UBE2D2: variants seen among roughly 807,000 people sequenced by gnomAD.
The protein encoded by UBE2D2 is ubiquitin-conjugating enzyme E2 D2.
In UBE2D2, 2 loss-of-function variants were observed where a neutral mutation model predicts 24.2. That is an observed-to-expected ratio of 0.08 (90% CI 0.03 to 0.26). The LOEUF (loss-of-function observed/expected upper bound fraction) is 0.26. UBE2D2 is among the 10% of genes least tolerant of loss of function. UBE2D2 has a pLI of 1.00. For missense variants in UBE2D2, 44 were observed against 177.6 expected (o/e 0.25, Z 4.28); for synonymous variants, 58 against 56.5 (o/e 1.03, Z -0.12).
intron 2 of UBE2D2, among the ~76,000 whole-genome samples, chr5:139,610,169 G>A (rs1010247839): frequency 1.3e-5 from 2 of 152,090 alleles, no homozygotes; most frequent in Non-Finnish European, 2.9e-5. Context: ...TGCATGTAGG[G>A]CAACTCAGAA....
At chr5:139,573,968 C>CTAAA (rs570547406) in intron 1 of UBE2D2, among the ~76,000 whole-genome samples, 37 of 151,346 alleles carry the variant, frequency 2.4e-4, no homozygotes, top group African/African-American at 5.3e-4. Context: ...GAGACTGTCT[C>CTAAA]TAAATAAATA....
chr5:139,543,532 G>A (rs762172397), intron 1 of UBE2D2, among the ~76,000 whole-genome samples: 1 of 152,232 alleles, frequency 6.6e-6, no homozygotes, highest in East Asian at 1.9e-4. Flanking sequence ...TTACCCCGCC[G>A]GAGGGCGCCA....
chr5:139,606,319 G>A (rs570335845), intron 2 of UBE2D2, among the ~76,000 whole-genome samples: 3 of 152,060 alleles, frequency 2.0e-5, no homozygotes, highest in East Asian at 1.9e-4. Context: ...GCACCACCAC[G>A]ACCGACTAAT....
Position 139,561,793 on chromosome 5 carries a change from TG to T in UBE2D2, c.4del (p.Ala2?). 7.9e-7 allele frequency: 1 copy of T among 1,259,068 alleles called. No individual in the cohort carries two copies. Among genetic ancestry groups the T allele is most frequent in the Non-Finnish European group, 1.0e-6 (1 of 965,298 alleles). 78.0% of individuals were successfully genotyped at this position (1,259,068 alleles called of 1,614,324 possible). On this transcript the variant is annotated frameshift_variant and start_lost, in exon 1 of 7. Transcript: ENST00000398733. LOFTEE classifies it high-confidence loss of function. [M>X]ALKRIHKELN... ...GGCCGCCGCCACCCGCCTCCCACCA[TG>T]GCTCTGAAGAGAATCCACAAGGTAA...
chr5:139,578,448 G>A (rs1256866922), intron 1 of UBE2D2, among the ~76,000 whole-genome samples: 2 of 151,720 alleles, frequency 1.3e-5, no homozygotes, highest in South Asian at 4.2e-4. Context: ...GTGTGTGTGT[G>A]TGTGTGTGTG....
chr5:139,626,064 GT>G (rs999876456), intron 6 of UBE2D2, among the ~76,000 whole-genome samples: 11 of 151,524 alleles, frequency 7.3e-5, no homozygotes, highest in Non-Finnish European at 1.5e-4. Flanking sequence ...GGAAAGTTTG[GT>G]TTTTTTTCCC....
At chr5:139,551,031 C>G (rs1581486028) in intron 1 of UBE2D2, among the ~76,000 whole-genome samples, 1 of 152,098 alleles carries the variant, frequency 6.6e-6, no homozygotes, top group African/African-American at 2.4e-5. Context: ...GTGTGCATAC[C>G]ATCTTATTCT....
intron 1 of UBE2D2, among the ~76,000 whole-genome samples, chr5:139,585,935 CAAAAA>C (rs60277561): frequency 3.9e-5 from 1 of 25,560 alleles, no homozygotes; most frequent in Non-Finnish European, 1.1e-4. Flanking sequence ...GACTCTGTCT[CAAAAA>C]AAAAAAAAAA....
At chr5:139,548,193 A>AAAAAAAAAAAAAAAAAAAAATAAT in intron 1 of UBE2D2, among the ~76,000 whole-genome samples, 1 of 47,104 alleles carries the variant, frequency 2.1e-5, no homozygotes, top group Non-Finnish European at 3.8e-5. Context: ...ATAAAAAAAA[A>AAAAAAAAAAAAAAAAAAAAATAAT]AAATAAATAA....
chr5:139,545,628 C>T (rs1362620830), intron 1 of UBE2D2, among the ~76,000 whole-genome samples: 1 of 150,612 alleles, frequency 6.6e-6, no homozygotes, highest in Non-Finnish European at 1.5e-5. Flanking sequence ...GTTTCACCAT[C>T]TTGGCCAGGC....
At chr5:139,565,797 T>A (rs957547474) in intron 1 of UBE2D2, among the ~76,000 whole-genome samples, 2 of 152,180 alleles carry the variant, frequency 1.3e-5, no homozygotes, top group Non-Finnish European at 2.9e-5. Flanking sequence ...AAGTATTTGG[T>A]TAATTTCTCT....
At chr5:139,533,673 A>AAAAGG (rs1212702719) in intron 1 of UBE2D2, among the ~76,000 whole-genome samples, 3 of 152,002 alleles carry the variant, frequency 2.0e-5, no homozygotes, top group Non-Finnish European at 4.4e-5. Context: ...AAAAGAAAAG[A>AAAAGG]AAAGAAAAGG....
At chr5:139,528,038 A>G (rs900824144) in intron 1 of UBE2D2, among the ~76,000 whole-genome samples, 6 of 152,244 alleles carry the variant, frequency 3.9e-5, no homozygotes, top group African/African-American at 1.4e-4. Context: ...TCTCTGCTAT[A>G]TCCCAAAGTC....
rs10036403 is a variant in UBE2D2, at chr5:139,546,701, G to T, written c.-64+20089G>T. On this transcript the variant is annotated intron_variant, in intron 1 of 6. Transcript: ENST00000511725. ...GAGTTTCACCATGTTTGCCAGACTG[G>T]TCTCGAAATCTTGACCTCAAGTGAT... is the stretch of plus-strand genomic sequence containing the variant. Among the ~76,000 whole-genome samples the T allele has an allele frequency of 9.1e-3, 1,361 of 149,354 alleles. 27 individuals carry two copies. The highest frequency in any genetic ancestry group is 0.03 in the African/African-American group (1,209 of 40,536).
chr5:139,623,207 A>G (rs1235538207), intron 5 of UBE2D2, among the ~76,000 whole-genome samples, 161 bp from the exon 6 acceptor site: 2 of 152,096 alleles, frequency 1.3e-5, no homozygotes, highest in Non-Finnish European at 2.9e-5. Flanking sequence ...AATAATAATA[A>G]TCCTTGTTGG....
chr5:139,609,038 G>GATC (rs1463046748), intron 2 of UBE2D2, among the ~76,000 whole-genome samples: 1 of 151,606 alleles, frequency 6.6e-6, no homozygotes, highest in Non-Finnish European at 1.5e-5. Flanking sequence ...AGTGAGCAAA[G>GATC]ATCGCACCAC....
chr5:139,591,369 C>T (rs1753843640), intron 1 of UBE2D2, among the ~76,000 whole-genome samples: 1 of 152,120 alleles, frequency 6.6e-6, no homozygotes, highest in Non-Finnish European at 1.5e-5. Context: ...ATCCACCCAC[C>T]TCAGCCTCCC....
intron 1 of UBE2D2, among the ~76,000 whole-genome samples, chr5:139,580,371 A>G (rs932606133): frequency 4.6e-5 from 7 of 152,074 alleles, no homozygotes; most frequent in African/African-American, 1.2e-4. Flanking sequence ...GGCCAATCCT[A>G]TCATTTTGAA....
intron 1 of UBE2D2, among the ~76,000 whole-genome samples, chr5:139,580,426 G>GC (rs1285128794): frequency 1.3e-5 from 2 of 152,116 alleles, no homozygotes; most frequent in Admixed American, 6.6e-5. Context: ...TATAAGGCCA[G>GC]CTGGGACAGC....
Sources: allele counts gnomAD v4.1 joint callset (sites outside exome capture counted in the v4.1 genomes callset), GRCh38; gene constraint gnomAD v4.1.1; transcripts MANE v1.5; gene names NCBI Gene and HGNC (gene_info 2026-07-23, HGNC 2026-07-21).